Variants in ARHGAP18 observed in about 807,000 individuals in gnomAD.
ARHGAP18 encodes the protein rho GTPase-activating protein 18.
In ARHGAP18, 67 loss-of-function variants were observed where a neutral mutation model predicts 86.2. The observed-to-expected ratio is 0.78, with a 90% CI of 0.64 to 0.95. The LOEUF is 0.95. ARHGAP18 is among the 40% of genes least tolerant of loss of function. ARHGAP18 has a pLI of 0.00. For missense variants in ARHGAP18, 691 were observed against 780.4 expected (o/e 0.89, Z 1.37); for synonymous variants, 283 against 280.4 (o/e 1.01, Z -0.09).
At chr6:129,676,464 T>C (rs903815813) in intron 1 of ARHGAP18, among the ~76,000 whole-genome samples, 3 of 152,154 alleles carry the variant, frequency 2.0e-5, no homozygotes, top group Admixed American at 6.5e-5. Flanking sequence ...AAATCAACTG[T>C]AGGTGGTTTA....
intron 1 of ARHGAP18, among the ~76,000 whole-genome samples, chr6:129,690,482 G>A (rs1584116418): frequency 1.3e-5 from 2 of 152,034 alleles, no homozygotes; most frequent in Admixed American, 1.3e-4. Flanking sequence ...ACAATTCAGA[G>A]ACTAAAGAGA....
intron 5 of ARHGAP18, among the ~76,000 whole-genome samples, chr6:129,625,923 T>C (rs1280775367): frequency 3.8e-5 from 4 of 104,538 alleles, no homozygotes; most frequent in South Asian, 2.4e-4. Flanking sequence ...ATATTATAGA[T>C]ATTTATATAT....
intron 4 of ARHGAP18, 135 bp from the exon 5 acceptor site, chr6:129,629,657 T>C (rs1478084949): frequency 3.4e-6 from 3 of 889,916 alleles, no homozygotes; most frequent in Non-Finnish European, 3.3e-6. Context: ...GTTATTTTAA[T>C]ACTAAAGAGT....
chr6:129,626,039 T>TAC lies in ARHGAP18; in HGVS notation c.786+3312_786+3313dup, dbSNP rs1224542952. Among the ~76,000 whole-genome samples, 27 of 110,008 alleles carry TAC rather than the reference T, an allele frequency of 2.5e-4. No individual in the cohort carries two copies. In the Admixed American group the frequency reaches 2.6e-3, roughly 11 times the overall value. The allele number at this position is 110,008 out of a possible 152,430, so 72.2% of individuals were successfully genotyped here. On this transcript the variant is annotated intron_variant, in intron 5 of 14. Coordinates refer to ENST00000368149, the MANE Select transcript of ARHGAP18 (RefSeq NM_033515.3). ...TATCAAATATAGCTATCTATATATA[T>TAC]ACACACACACATATATATACACATA...
Position 129,608,063 on chromosome 6 carries a change from C to CCAA in ARHGAP18, c.1123-12_1123-11insTTG. The CCAA allele has an allele frequency of 3.1e-6, 2 of 643,602 alleles. No individual in the cohort carries two copies. Among genetic ancestry groups the CCAA allele is most frequent in the Non-Finnish European group, 4.0e-6 (2 of 501,778 alleles). 39.9% of individuals were successfully genotyped at this position (643,602 alleles called of 1,614,324 possible). A position where few individuals can be genotyped will look rare whatever the true frequency, so the allele number is the denominator to read the frequency against. On this transcript the variant is annotated splice_polypyrimidine_tract_variant and intron_variant, in intron 8 of 14. Coordinates refer to ENST00000368149, the MANE Select transcript of ARHGAP18 (RefSeq NM_033515.3). ...TTCTTGGCAAAGATTCTGATAGGCA[C>CCAA]GAAAAAAAAAAAAAAAAAAAAAAGA...
intron 1 of ARHGAP18, among the ~76,000 whole-genome samples, chr6:129,698,636 G>T (rs1774660254): frequency 6.6e-6 from 1 of 151,514 alleles, no homozygotes; most frequent in Non-Finnish European, 1.5e-5. Flanking sequence ...TCCATTTCAG[G>T]GTTCAAGCCA....
chr6:129,577,965 T>C lies in ARHGAP18; in HGVS notation c.*548A>G, dbSNP rs1788213573. On this transcript the variant is annotated 3_prime_UTR_variant, in exon 15 of 15. Transcript: ENST00000368149. The stretch of plus-strand genomic sequence containing the variant: ...GCAGGAAAAGGTGGAATGTTATTAT[T>C]TGAGCAAATGATTCAAAGAGATGAA... 6.6e-6 allele frequency: 1 copy of C among 152,212 alleles called. No individual in the cohort carries two copies. The highest frequency in any genetic ancestry group is 1.5e-5 in the Non-Finnish European group (1 of 68,032). 9.4% of individuals were successfully genotyped at this position (152,212 alleles called of 1,614,324 possible).
chr6:129,708,728 G>A (rs1774849002), intron 1 of ARHGAP18, among the ~76,000 whole-genome samples: 1 of 152,164 alleles, frequency 6.6e-6, no homozygotes, highest in Admixed American at 6.5e-5. Context: ...CCAAGTTATG[G>A]CTGGGTATGG....
At chr6:129,586,744 C>CAA (rs1415091759) in intron 12 of ARHGAP18, among the ~76,000 whole-genome samples, 2 of 152,190 alleles carry the variant, frequency 1.3e-5, no homozygotes, top group Non-Finnish European at 2.9e-5. Context: ...AGGGATATGG[C>CAA]AATCTTAGTC....
rs1030163834 is a variant in ARHGAP18, at chr6:129,578,305, AT to A, written c.*207del. On this transcript the variant is annotated 3_prime_UTR_variant, in exon 15 of 15. Transcript: ENST00000368149. Reference sequence around the variant, plus strand: ...AAGCCTCTTTACTCTCACTCCAGAAATTTTTTTTCTAATAATAACATTAATA... The same window carrying A: ...AAGCCTCTTTACTCTCACTCCAGAAATTTTTTTCTAATAATAACATTAATA... 41 of 225,140 alleles carry A rather than the reference AT, an allele frequency of 1.8e-4. No homozygotes were observed. The highest frequency in any genetic ancestry group is 8.2e-4 in the African/African-American group (36 of 43,674). 13.9% of individuals were successfully genotyped at this position (225,140 alleles called of 1,614,324 possible).
chr6:129,665,869 A>T (rs1268376446), intron 1 of ARHGAP18, among the ~76,000 whole-genome samples: 1 of 152,176 alleles, frequency 6.6e-6, no homozygotes, highest in Non-Finnish European at 1.5e-5. Context: ...TGAATGAGAT[A>T]CGTACATAAA....
intron 2 of ARHGAP18, among the ~76,000 whole-genome samples, chr6:129,641,104 A>G (rs1028804296): frequency 6.6e-6 from 1 of 152,178 alleles, no homozygotes; most frequent in Non-Finnish European, 1.5e-5. Flanking sequence ...GTCCAACTCT[A>G]TATTTTTAGA....
intron 12 of ARHGAP18, among the ~76,000 whole-genome samples, chr6:129,591,446 A>C (rs1584027124): frequency 1.3e-5 from 2 of 152,292 alleles, no homozygotes; most frequent in East Asian, 3.9e-4. Context: ...AAAAGTCACA[A>C]AGGATTTTAC....
intron 1 of ARHGAP18, among the ~76,000 whole-genome samples, chr6:129,644,367 C>A (rs1419653973): frequency 2.6e-5 from 4 of 152,096 alleles, no homozygotes; most frequent in Non-Finnish European, 5.9e-5. Flanking sequence ...AGAAAGTCAT[C>A]CCTCTCTTAA....
chr6:129,594,668 C>T (rs1243430170), intron 12 of ARHGAP18, among the ~76,000 whole-genome samples: 2 of 152,082 alleles, frequency 1.3e-5, no homozygotes, highest in East Asian at 3.9e-4. Context: ...CCCCCTTTTG[C>T]TTGATGCTAA....
intron 12 of ARHGAP18, among the ~76,000 whole-genome samples, chr6:129,588,355 A>T (rs969205838): frequency 1.4e-4 from 22 of 152,178 alleles, no homozygotes; most frequent in African/African-American, 5.3e-4. Flanking sequence ...ACCTCAAGTG[A>T]TCCACCCGCC....
At chr6:129,705,097 G>A (rs992172148) in intron 1 of ARHGAP18, among the ~76,000 whole-genome samples, 2 of 152,038 alleles carry the variant, frequency 1.3e-5, no homozygotes, top group Non-Finnish European at 2.9e-5. Flanking sequence ...TCCCCTCCAG[G>A]CTACCCTCCC....
chr6:129,622,456 A>T (rs1789249650), intron 5 of ARHGAP18, among the ~76,000 whole-genome samples: 1 of 152,206 alleles, frequency 6.6e-6, no homozygotes. Context: ...ATCCTGAAAT[A>T]TTATTAATTC....
chr6:129,597,498 C>T (rs1237894773), intron 12 of ARHGAP18, among the ~76,000 whole-genome samples: 1 of 152,086 alleles, frequency 6.6e-6, no homozygotes, highest in Non-Finnish European at 1.5e-5. Flanking sequence ...CAGCTTGACT[C>T]CCCAGTGAAG....
Sources: allele counts gnomAD v4.1 joint callset (sites outside exome capture counted in the v4.1 genomes callset), GRCh38; gene constraint gnomAD v4.1.1; transcripts MANE v1.5; gene names NCBI Gene and HGNC (gene_info 2026-07-23, HGNC 2026-07-21).